ACVR1C: variants seen among roughly 807,000 people sequenced by gnomAD.
ACVR1C encodes activin A receptor type 1C.
Under a neutral mutation model 57.9 loss-of-function variants are expected in ACVR1C, and 23 were observed. The observed-to-expected ratio is 0.40, with a 90% CI of 0.29 to 0.56. The LOEUF (loss-of-function observed/expected upper bound fraction) is 0.56. Ranked by LOEUF, ACVR1C falls within the 20% of genes least tolerant of loss-of-function variation. The probability of loss-of-function intolerance (pLI) is 0.50; values close to 1 mark genes in which losing one functional copy is unlikely to be tolerated. For missense variants in ACVR1C, 480 were observed against 607.9 expected (o/e 0.79, Z 2.21); for synonymous variants, 214 against 215.3 (o/e 0.99, Z 0.05).
At position 157,531,901 on chromosome 2, in the gene ACVR1C, C is replaced by G. The variant is rs945381684; in HGVS notation, c.*2017G>C. The G allele has an allele frequency of 2.0e-5, 3 of 152,100 alleles. No individual in the cohort carries two copies. Among genetic ancestry groups the G allele is most frequent in the Non-Finnish European group, 4.4e-5 (3 of 68,000 alleles). 9.4% of individuals were successfully genotyped at this position (152,100 alleles called of 1,614,324 possible). A position where few individuals can be genotyped will look rare whatever the true frequency, so the allele number is the denominator to read the frequency against. ...TATCTGTCAATTTAATCTCTTCCCC[C>G]ACACACTCACATCCCTATTCCCATT... On this transcript the variant is annotated 3_prime_UTR_variant, in exon 9 of 9. Coordinates refer to ENST00000243349, the MANE Select transcript of ACVR1C (RefSeq NM_145259.3).
rs1688096546 is a variant in ACVR1C, at chr2:157,556,222, G to C, written c.415C>G (p.Arg139Gly). 6.2e-7 allele frequency: 1 copy of C among 1,613,826 alleles called. No individual in the cohort carries two copies. Among genetic ancestry groups the C allele is most frequent in the African/African-American group, 1.3e-5 (1 of 74,842 alleles). The change falls in exon 3 of 9, where the codon CGA (arginine) becomes GGA (glycine). Residue 139 changes from arginine to glycine, a missense_variant. Physicochemically the swap from Arg to Gly is moderately radical, Grantham distance 125. Coordinates refer to ENST00000243349, the MANE Select transcript of ACVR1C (RefSeq NM_145259.3). ...TTTTTCTTCCTGTAGGAGCACTGTCGACCCTGGCATGCCCATACTGTCAGC... is the reference window on the plus strand; with the variant it reads ...TTTTTCTTCCTGTAGGAGCACTGTCCACCCTGGCATGCCCATACTGTCAGC... ...AMLTVWACQG[R>G]QCSYRKKKRP...
chr2:157,610,442 C>T (rs143836072), intron 1 of ACVR1C, among the ~76,000 whole-genome samples: 12 of 152,222 alleles, frequency 7.9e-5, no homozygotes, highest in South Asian at 2.1e-4. Context: ...TTATAGGTGA[C>T]GAGATACTTT....
intron 2 of ACVR1C, 89 bp downstream of exon 2, chr2:157,587,098 A>G (rs970033283): frequency 2.7e-5 from 32 of 1,181,774 alleles, no homozygotes; most frequent in Admixed American, 9.1e-5. Flanking sequence ...TTCCTATTTA[A>G]AGAAACATAA....
At chr2:157,598,234 AT>A (rs1340776129) in intron 1 of ACVR1C, among the ~76,000 whole-genome samples, 1 of 150,944 alleles carries the variant, frequency 6.6e-6, no homozygotes, top group Admixed American at 6.6e-5. Flanking sequence ...TATTACTATG[AT>A]TTCAAAAAAG....
rs187626110 is a variant in ACVR1C, at chr2:157,600,157, T to C, written c.74-12740A>G. On this transcript the variant is annotated intron_variant, in intron 1 of 8. Transcript: ENST00000243349. ...GGAAGAAAACTGTTCAGGAGAATCATGTATTCTTATAAAGACTGACATGAA... is the reference window on the plus strand; with the variant it reads ...GGAAGAAAACTGTTCAGGAGAATCACGTATTCTTATAAAGACTGACATGAA... Among the ~76,000 whole-genome samples, 7 of 152,324 alleles carry C rather than the reference T, an allele frequency of 4.6e-5. No homozygotes were observed. The East Asian group carries it at 1.2e-3, about 25-fold the overall frequency.
chr2:157,543,632 G>A (rs1687671382), intron 5 of ACVR1C, among the ~76,000 whole-genome samples: 1 of 152,158 alleles, frequency 6.6e-6, no homozygotes. Flanking sequence ...TTTTAAGAGT[G>A]TAAAGAGATC....
intron 2 of ACVR1C, among the ~76,000 whole-genome samples, chr2:157,573,904 TAAAC>T (rs1399967455): frequency 6.6e-6 from 1 of 152,188 alleles, no homozygotes; most frequent in Non-Finnish European, 1.5e-5. Context: ...AAAATTGTAT[TAAAC>T]AGAACAATTC....
At chr2:157,593,279 T>A (rs1689085000) in intron 1 of ACVR1C, among the ~76,000 whole-genome samples, 1 of 152,180 alleles carries the variant, frequency 6.6e-6, no homozygotes, top group African/African-American at 2.4e-5. Context: ...GCTATTCTTA[T>A]TAGAAAGCCA....
At chr2:157,602,124 G>A (rs753701561) in intron 1 of ACVR1C, among the ~76,000 whole-genome samples, 2 of 151,918 alleles carry the variant, frequency 1.3e-5, no homozygotes, top group African/African-American at 4.8e-5. Flanking sequence ...AGACATTTTC[G>A]TTAAAATAAA....
At chr2:157,536,834 A>C (rs192181136) in intron 8 of ACVR1C, among the ~76,000 whole-genome samples, 7 of 152,136 alleles carry the variant, frequency 4.6e-5, no homozygotes, top group Admixed American at 1.3e-4. Context: ...AATACTGGAC[A>C]AAAAATGCAT....
intron 2 of ACVR1C, among the ~76,000 whole-genome samples, chr2:157,557,280 C>T (rs764902774): frequency 3.9e-5 from 6 of 152,080 alleles, no homozygotes; most frequent in East Asian, 1.9e-4. Context: ...GTGAGAGACA[C>T]GATCTAACTT....
At chr2:157,574,114 G>T (rs79318814) in intron 2 of ACVR1C, among the ~76,000 whole-genome samples, 3,055 of 152,264 alleles carry the variant, frequency 0.02, 97 homozygotes, top group African/African-American at 0.069. Flanking sequence ...TTCAAGACCA[G>T]ACAGGAATCT....
intron 7 of ACVR1C, 148 bp downstream of exon 7, chr2:157,540,942 G>C (rs1049563582): frequency 1.0e-6 from 1 of 954,742 alleles, no homozygotes; most frequent in African/African-American, 1.7e-5. Flanking sequence ...TCCCACTTTT[G>C]CCACTGGAAA....
chr2:157,607,116 TG>T (rs1414097464), intron 1 of ACVR1C, among the ~76,000 whole-genome samples: 1 of 151,950 alleles, frequency 6.6e-6, no homozygotes, highest in Non-Finnish European at 1.5e-5. Context: ...GAAGATCAGT[TG>T]GCTGTAAATA....
intron 1 of ACVR1C, among the ~76,000 whole-genome samples, chr2:157,616,213 C>T (rs903992197): frequency 1.3e-5 from 2 of 152,126 alleles, no homozygotes; most frequent in Non-Finnish European, 2.9e-5. Context: ...TTGCTCCTCC[C>T]TCTTTATTAC....
chr2:157,545,836 G>T (rs929999534), intron 4 of ACVR1C, among the ~76,000 whole-genome samples: 3 of 151,940 alleles, frequency 2.0e-5, no homozygotes, highest in African/African-American at 7.3e-5. Context: ...GTGCAGTGTC[G>T]CAATCTCGGC....
intron 3 of ACVR1C, among the ~76,000 whole-genome samples, chr2:157,554,144 C>G (rs1687992375): frequency 6.9e-6 from 1 of 144,670 alleles, no homozygotes. Context: ...GATAGCACCA[C>G]TGCACTCCAG....
intron 2 of ACVR1C, among the ~76,000 whole-genome samples, chr2:157,573,729 A>T (rs1162891029): frequency 2.6e-5 from 4 of 152,142 alleles, no homozygotes; most frequent in Non-Finnish European, 5.9e-5. Flanking sequence ...GCTATTTGAC[A>T]TCATCATTAT....
chr2:157,554,359 G>T (rs934776920), intron 3 of ACVR1C, among the ~76,000 whole-genome samples: 1 of 126,170 alleles, frequency 7.9e-6, no homozygotes, highest in Non-Finnish European at 1.6e-5. Context: ...GAAAGAGAAA[G>T]AAAGAAAGAA....
Sources: gnomAD v4.1 joint callset for allele counts (sites outside exome capture counted in the v4.1 genomes callset) on GRCh38, gnomAD v4.1.1 for gene constraint, MANE v1.5 for transcripts, NCBI Gene and HGNC (gene_info 2026-07-23, HGNC 2026-07-21) for gene names.